NR3C2: variants seen among roughly 807,000 people sequenced by gnomAD.
NR3C2 encodes the protein nuclear receptor subfamily 3 group C member 2.
In NR3C2, 15 loss-of-function variants were observed where a neutral mutation model predicts 86.4. The observed-to-expected ratio is 0.17, with a 90% CI of 0.12 to 0.27. NR3C2 has a LOEUF of 0.27. NR3C2 is among the 10% of genes least tolerant of loss of function. NR3C2 has a pLI of 1.00. For missense variants in NR3C2, 960 were observed against 1,195.6 expected, an observed-to-expected ratio of 0.80 and a Z score of 2.91; for synonymous variants, 458 against 450.5, an observed-to-expected ratio of 1.02 and a Z score of -0.21.
intron 8 of NR3C2, among the ~76,000 whole-genome samples, chr4:148,090,967 A>T (rs1731033150): frequency 6.6e-6 from 1 of 152,232 alleles, no homozygotes; most frequent in African/African-American, 2.4e-5. Flanking sequence ...TGACTCTGTA[A>T]GCATGATGTC....
intron 3 of NR3C2, among the ~76,000 whole-genome samples, chr4:148,243,967 G>A (rs1356097366): frequency 6.6e-6 from 1 of 152,190 alleles, no homozygotes; most frequent in Non-Finnish European, 1.5e-5. Flanking sequence ...ACCAAGACAG[G>A]TTGGCTTGAG....
intron 2 of NR3C2, among the ~76,000 whole-genome samples, chr4:148,422,339 A>C (rs1015331767): frequency 2.0e-5 from 3 of 152,058 alleles, no homozygotes; most frequent in Non-Finnish European, 4.4e-5. Context: ...CCTTTGTATC[A>C]TATGATCATA....
intron 2 of NR3C2, among the ~76,000 whole-genome samples, chr4:148,313,923 A>G (rs141737787): frequency 2.0e-5 from 3 of 152,298 alleles, no homozygotes; most frequent in African/African-American, 7.2e-5. Context: ...GGTTAATATA[A>G]CCTATGCATT....
chr4:148,356,004 G>C (rs1745533627), intron 2 of NR3C2, among the ~76,000 whole-genome samples: 2 of 152,156 alleles, frequency 1.3e-5, no homozygotes, highest in African/African-American at 4.8e-5. Flanking sequence ...GAAGTTCTCA[G>C]ACTAGTATCT....
At chr4:148,260,262 A>G (rs1015182822) in intron 2 of NR3C2, 145 bp from the exon 3 acceptor site, 4 of 1,028,188 alleles carry the variant, frequency 3.9e-6, no homozygotes, top group Admixed American at 2.0e-5. Flanking sequence ...ACTTAGCAAA[A>G]TAAAGGTAAA....
chr4:148,103,525 C>A (rs550763418), intron 8 of NR3C2, among the ~76,000 whole-genome samples: 1 of 152,346 alleles, frequency 6.6e-6, no homozygotes, highest in South Asian at 2.1e-4. Flanking sequence ...GGGTAACTGA[C>A]AGAGATGGCT....
intron 4 of NR3C2, among the ~76,000 whole-genome samples, chr4:148,160,558 T>C (rs1365288714): frequency 6.6e-6 from 1 of 152,238 alleles, no homozygotes; most frequent in Middle Eastern, 3.4e-3. Flanking sequence ...AAAAGAGTGA[T>C]ATATAGTAGA....
chr4:148,178,991 T>C (rs1374413925), intron 4 of NR3C2, among the ~76,000 whole-genome samples: 2 of 144,440 alleles, frequency 1.4e-5, no homozygotes, highest in Admixed American at 1.4e-4. Context: ...GTCCTAGAAA[T>C]TGAAAGCCTC....
At chr4:148,259,614 C>T (rs914295862) in intron 3 of NR3C2, among the ~76,000 whole-genome samples, 1 of 152,134 alleles carries the variant, frequency 6.6e-6, no homozygotes, top group Non-Finnish European at 1.5e-5. Context: ...TACAGAAACC[C>T]AGAAAAGGCA....
intron 3 of NR3C2, among the ~76,000 whole-genome samples, chr4:148,255,106 A>G (rs1739767954): frequency 6.6e-6 from 1 of 151,866 alleles, no homozygotes; most frequent in Non-Finnish European, 1.5e-5. Flanking sequence ...ACCTGCTGGC[A>G]CCCTCACTTG....
intron 8 of NR3C2, among the ~76,000 whole-genome samples, chr4:148,091,165 G>A (rs1731043701): frequency 6.6e-6 from 1 of 152,252 alleles, no homozygotes; most frequent in Non-Finnish European, 1.5e-5. Flanking sequence ...ACCTCTGCAG[G>A]CCTAAATCCT....
intron 2 of NR3C2, among the ~76,000 whole-genome samples, chr4:148,289,615 T>G (rs1741703493): frequency 6.6e-6 from 1 of 152,170 alleles, no homozygotes; most frequent in Non-Finnish European, 1.5e-5. Context: ...CAACATACCT[T>G]AGACTGGGTA....
At chr4:148,246,555 T>A (rs921903859) in intron 3 of NR3C2, among the ~76,000 whole-genome samples, 8 of 152,184 alleles carry the variant, frequency 5.3e-5, no homozygotes, top group Admixed American at 3.9e-4. Context: ...TTTATTATTT[T>A]ATTTTATTTT....
intron 2 of NR3C2, among the ~76,000 whole-genome samples, chr4:148,331,719 T>A (rs1240072290): frequency 1.3e-5 from 2 of 152,190 alleles, no homozygotes; most frequent in African/African-American, 4.8e-5. Flanking sequence ...ATAGTATCTA[T>A]ATATTCTGAT....
chr4:148,220,230 G>A (rs1737766027), intron 3 of NR3C2, among the ~76,000 whole-genome samples: 1 of 151,990 alleles, frequency 6.6e-6, no homozygotes, highest in Non-Finnish European at 1.5e-5. Context: ...GAGACCACAG[G>A]CACGCACCAC....
At chr4:148,174,274 C>A (rs575088812) in intron 4 of NR3C2, among the ~76,000 whole-genome samples, 3 of 152,072 alleles carry the variant, frequency 2.0e-5, no homozygotes, top group African/African-American at 7.2e-5. Flanking sequence ...GTATTTTAAT[C>A]GAATCTCTTA....
At chr4:148,407,616 T>C (rs948384510) in intron 2 of NR3C2, among the ~76,000 whole-genome samples, 4 of 152,168 alleles carry the variant, frequency 2.6e-5, no homozygotes, top group African/African-American at 7.2e-5. Context: ...CTCATAGTTC[T>C]AGAATATCAT....
chr4:148,272,571 C>G (rs1417609638), intron 2 of NR3C2, among the ~76,000 whole-genome samples: 1 of 152,128 alleles, frequency 6.6e-6, no homozygotes, highest in Non-Finnish European at 1.5e-5. Flanking sequence ...AAAAGACATC[C>G]ATATTTTTAC....
chr4:148,375,253 C>T (rs958793709), intron 2 of NR3C2, among the ~76,000 whole-genome samples: 2 of 152,198 alleles, frequency 1.3e-5, no homozygotes, highest in East Asian at 1.9e-4. Context: ...GTCGGTAGTT[C>T]GAAACCAGCC....
Sources: allele counts gnomAD v4.1 joint callset (sites outside exome capture counted in the v4.1 genomes callset), GRCh38; gene constraint gnomAD v4.1.1; transcripts MANE v1.5; gene names NCBI Gene and HGNC (gene_info 2026-07-23, HGNC 2026-07-21).